Variants in PLEKHA5 observed in about 807,000 individuals in gnomAD.
PLEKHA5 encodes the protein pleckstrin homology domain containing A5, also known as pleckstrin homology domain-containing family A member 5.
In PLEKHA5, 55 loss-of-function variants were observed where a neutral mutation model predicts 181.9. That is an observed-to-expected ratio of 0.30 (90% CI 0.24 to 0.38). The LOEUF is 0.38. PLEKHA5 is among the 10% of genes least tolerant of loss of function. The probability of loss-of-function intolerance (pLI) is 1.00; values close to 1 mark genes in which losing one functional copy is unlikely to be tolerated. For missense variants in PLEKHA5, 1,432 were observed against 1,549.5 expected (o/e 0.92, Z 1.27); for synonymous variants, 535 against 529.4 (o/e 1.01, Z -0.15).
Position 19,217,717 on chromosome 12 carries a change from A to G in PLEKHA5, c.228-36223A>G, listed in dbSNP as rs567406247. On this transcript the variant is annotated intron_variant, in intron 3 of 31. Coordinates refer to ENST00000429027, the MANE Select transcript of PLEKHA5 (RefSeq NM_001256470.2). ...CATCAACAGTATGAGAAAGAAACAG[A>G]GATCATTAATGTGGCAATGATGAGA... Among the ~76,000 whole-genome samples, 11 of 152,292 alleles carry G rather than the reference A, an allele frequency of 7.2e-5. No individual in the cohort carries two copies. The East Asian group carries it at 2.1e-3, about 29-fold the overall frequency.
At chr12:19,148,234 T>A (rs2039456311) in intron 3 of PLEKHA5, among the ~76,000 whole-genome samples, 1 of 152,102 alleles carries the variant, frequency 6.6e-6, no homozygotes, top group Non-Finnish European at 1.5e-5. Flanking sequence ...TTTTTGTATT[T>A]TTAGTAGAGA....
At chr12:19,224,365 A>G (rs2059399527) in intron 3 of PLEKHA5, among the ~76,000 whole-genome samples, 1 of 152,094 alleles carries the variant, frequency 6.6e-6, no homozygotes, top group African/African-American at 2.4e-5. Context: ...GGTTTAATTG[A>G]ATGACTTTTG....
In PLEKHA5 at chr12:19,356,949, G is replaced by A. The variant is rs571283460; in HGVS notation, c.3139-1279G>A. On this transcript the variant is annotated intron_variant, in intron 26 of 31. Coordinates refer to ENST00000429027, the MANE Select transcript of PLEKHA5 (RefSeq NM_001256470.2). ...GTTGGGATTACAGGTGTGAGCCACC[G>A]CGCCCGGCCTAAGCATTTTCAAATA... Among the ~76,000 whole-genome samples, 9 of 152,160 alleles carry A rather than the reference G, an allele frequency of 5.9e-5. No individual in the cohort carries two copies. In the South Asian group the frequency reaches 6.2e-4, roughly 11 times the overall value.
chr12:19,306,350 TCGTGCTCTCCAACTAG>T, intron 15 of PLEKHA5: 1 of 446,762 alleles, frequency 2.2e-6, no homozygotes, highest in Non-Finnish European at 4.4e-6. Context: ...GTTTGTTTTC[TCGTGCTCTCCAACTAG>T]CGTGCTCTCT....
At chr12:19,271,310 G>A (rs2072683924) in intron 10 of PLEKHA5, among the ~76,000 whole-genome samples, 1 of 152,052 alleles carries the variant, frequency 6.6e-6, no homozygotes, top group Non-Finnish European at 1.5e-5. Context: ...TTTGAGATCA[G>A]CCTGGGCAAC....
chr12:19,313,976 A>C (rs1055565552), intron 15 of PLEKHA5, among the ~76,000 whole-genome samples: 84 of 152,202 alleles, frequency 5.5e-4, no homozygotes, highest in African/African-American at 2.0e-3. Flanking sequence ...TGTATATGAA[A>C]GATGAAAATT....
chr12:19,334,043 A>G (rs1399545327), intron 20 of PLEKHA5, among the ~76,000 whole-genome samples: 2 of 152,170 alleles, frequency 1.3e-5, no homozygotes, highest in African/African-American at 4.8e-5. Flanking sequence ...ATCTTGCTAT[A>G]TTAGCTTCTT....
At chr12:19,215,486 C>T (rs1388755492) in intron 3 of PLEKHA5, among the ~76,000 whole-genome samples, 1 of 152,010 alleles carries the variant, frequency 6.6e-6, no homozygotes, top group African/African-American at 2.4e-5. Context: ...AGGTAAGGGG[C>T]GTTGCATATA....
At chr12:19,219,515 C>T (rs1160144619) in intron 3 of PLEKHA5, among the ~76,000 whole-genome samples, 3 of 143,384 alleles carry the variant, frequency 2.1e-5, no homozygotes, top group Non-Finnish European at 1.5e-5. Context: ...TGTTTCCCTT[C>T]TTTTTTTTTT....
At chr12:19,341,888 C>T (rs1382731174) in intron 21 of PLEKHA5, among the ~76,000 whole-genome samples, 1 of 152,018 alleles carries the variant, frequency 6.6e-6, no homozygotes, top group Admixed American at 6.6e-5. Flanking sequence ...TACACCACCC[C>T]GCCCAGCTAA....
chr12:19,343,662 C>A (rs1178566087), intron 22 of PLEKHA5, among the ~76,000 whole-genome samples: 1 of 152,156 alleles, frequency 6.6e-6, no homozygotes, highest in Non-Finnish European at 1.5e-5. Context: ...GTACTGAATA[C>A]TGTAGACAGT....
intron 20 of PLEKHA5, among the ~76,000 whole-genome samples, chr12:19,330,404 T>C (rs143842390): frequency 9.9e-5 from 15 of 152,228 alleles, no homozygotes; most frequent in Admixed American, 7.9e-4. Flanking sequence ...ACATCTTTTT[T>C]AGTGTGTTTC....
intron 3 of PLEKHA5, among the ~76,000 whole-genome samples, chr12:19,221,117 C>CAA (rs1331760297): frequency 1.3e-5 from 2 of 152,080 alleles, no homozygotes; most frequent in African/African-American, 4.8e-5. Flanking sequence ...ATAGTCTTAC[C>CAA]ATATGATTCT....
chr12:19,255,333 T>A (rs1277016591), intron 5 of PLEKHA5, among the ~76,000 whole-genome samples, 168 bp downstream of exon 5: 1 of 152,132 alleles, frequency 6.6e-6, no homozygotes. Flanking sequence ...GTAATAAGAT[T>A]GTAATTCAGT....
intron 3 of PLEKHA5, among the ~76,000 whole-genome samples, chr12:19,237,825 T>C (rs1403259908): frequency 6.6e-6 from 1 of 151,992 alleles, no homozygotes; most frequent in African/African-American, 2.4e-5. Flanking sequence ...GATTTTGTTG[T>C]TTTAAAAGCA....
intron 3 of PLEKHA5, among the ~76,000 whole-genome samples, chr12:19,157,280 CT>C (rs1443798725): frequency 1.3e-5 from 2 of 152,054 alleles, no homozygotes; most frequent in Non-Finnish European, 2.9e-5. Context: ...TAAACAAATA[CT>C]TTATGTCAGA....
intron 16 of PLEKHA5, among the ~76,000 whole-genome samples, chr12:19,316,827 A>G (rs1193770995): frequency 1.3e-5 from 2 of 152,200 alleles, no homozygotes; most frequent in East Asian, 1.9e-4. Context: ...GGTTTCCCTC[A>G]TCATGTTATT....
At chr12:19,197,676 CTGTGTGTGTGTGTGTGTGTGTGTG>C (rs3056412) in intron 3 of PLEKHA5, among the ~76,000 whole-genome samples, 53 of 111,024 alleles carry the variant, frequency 4.8e-4, no homozygotes, top group African/African-American at 1.1e-3. Flanking sequence ...CTATCCGGTG[CTGTGTGTGTGTGTGTGTGTGTGTG>C]TGTGTGTGTG....
intron 3 of PLEKHA5, among the ~76,000 whole-genome samples, chr12:19,137,945 C>A (rs2036138357): frequency 6.6e-6 from 1 of 152,216 alleles, no homozygotes; most frequent in South Asian, 2.1e-4. Flanking sequence ...ATTTTAAGAA[C>A]ACTTTCTGGA....
Sources: allele counts gnomAD v4.1 joint callset (sites outside exome capture counted in the v4.1 genomes callset), GRCh38; gene constraint gnomAD v4.1.1; transcripts MANE v1.5; gene names NCBI Gene and HGNC (gene_info 2026-07-23, HGNC 2026-07-21).